FILIP1: variants seen among roughly 807,000 people sequenced by gnomAD.
FILIP1 encodes filamin-A-interacting protein 1.
A neutral mutation model predicts 102.1 loss-of-function variants in FILIP1; 61 were observed. The observed-to-expected ratio is 0.60, with a 90% CI of 0.49 to 0.74. The LOEUF (loss-of-function observed/expected upper bound fraction) is 0.74, where lower values mean the gene tolerates loss of function less well. Among genes scored for constraint, FILIP1 ranks in the 30% least tolerant of loss-of-function variants. The probability of loss-of-function intolerance (pLI) is 0.00; values close to 1 mark genes in which losing one functional copy is unlikely to be tolerated. For missense variants in FILIP1, 1,314 were observed against 1,441.2 expected (o/e 0.91, Z 1.43); for synonymous variants, 491 against 526.9 (o/e 0.93, Z 0.93).
At chr6:75,375,636 T>A (rs1775727258) in intron 2 of FILIP1, among the ~76,000 whole-genome samples, 1 of 152,206 alleles carries the variant, frequency 6.6e-6, no homozygotes, top group Non-Finnish European at 1.5e-5. Context: ...CTTATTTTTA[T>A]CCTCAGACTG....
At chr6:75,439,365 CAA>C (rs11321756) in intron 1 of FILIP1, among the ~76,000 whole-genome samples, 66 of 146,594 alleles carry the variant, frequency 4.5e-4, no homozygotes, top group African/African-American at 4.7e-4. Flanking sequence ...AGACTCCGTC[CAA>C]AAAAAAAAAA....
intron 2 of FILIP1, among the ~76,000 whole-genome samples, chr6:75,400,246 GA>G (rs1174885798): frequency 2.6e-5 from 4 of 151,942 alleles, no homozygotes; most frequent in Non-Finnish European, 4.4e-5. Context: ...CAATACTTTA[GA>G]AAAAAATTGA....
At chr6:75,368,768 A>G (rs950201640) in intron 2 of FILIP1, among the ~76,000 whole-genome samples, 1 of 152,142 alleles carries the variant, frequency 6.6e-6, no homozygotes, top group African/African-American at 2.4e-5. Flanking sequence ...GGAGTAATAA[A>G]CTCATGAAAA....
At chr6:75,356,131 C>A (rs540614061) in intron 3 of FILIP1, among the ~76,000 whole-genome samples, 176 of 152,336 alleles carry the variant, frequency 1.2e-3, no homozygotes, top group African/African-American at 4.1e-3. Flanking sequence ...AGTTCTCAAT[C>A]TCACAACCAA....
intron 1 of FILIP1, among the ~76,000 whole-genome samples, chr6:75,435,082 G>T (rs1323351066): frequency 1.3e-5 from 2 of 152,124 alleles, no homozygotes; most frequent in African/African-American, 4.8e-5. Context: ...GCTAGATTCA[G>T]TTTGCCAGTA....
chr6:75,340,452 A>G (rs1283511311), intron 4 of FILIP1, among the ~76,000 whole-genome samples: 2 of 152,210 alleles, frequency 1.3e-5, no homozygotes, highest in East Asian at 3.8e-4. Context: ...GATAATGGTC[A>G]TTACTAAGGG....
At chr6:75,458,583 CA>C (rs1778919826) in intron 1 of FILIP1, 1 of 152,104 alleles carries the variant, frequency 6.6e-6, no homozygotes, top group Non-Finnish European at 1.5e-5. Flanking sequence ...CAGACTTCTC[CA>C]ATAGAAAACA....
Position 75,312,504 on chromosome 6 carries a change from G to A in FILIP1, c.3328C>T (p.Arg1110Cys), listed in dbSNP as rs748714654. 6.2e-6 allele frequency: 10 copies of A among 1,614,074 alleles called. No homozygotes were observed. Among genetic ancestry groups the A allele is most frequent in the Admixed American group, 3.3e-5 (2 of 60,008 alleles). Residue 1110 changes from arginine to cysteine, a missense_variant, in exon 5 of 6, where the codon CGC (arginine) becomes TGC (cysteine). This residue lies in a region of FILIP1 where 816 missense variants were observed against 913.1 expected (regional missense o/e 0.89). Transcript: ENST00000237172. ...EKEVSTGTVL[R>C]SPRNHLSSRP... is the part of the protein sequence containing the mutation. Reference sequence around the variant, plus strand: ...GAGGAGAGGTGATTCCTGGGAGAGCGAAGGACAGTGCCGGTGGAAACCTCC... The same window carrying A: ...GAGGAGAGGTGATTCCTGGGAGAGCAAAGGACAGTGCCGGTGGAAACCTCC...
chr6:75,477,706 T>G (rs1405556254), intron 1 of FILIP1, among the ~76,000 whole-genome samples: 1 of 152,128 alleles, frequency 6.6e-6, no homozygotes, highest in Non-Finnish European at 1.5e-5. Flanking sequence ...AGGGTCCTTG[T>G]GTGATGCAGG....
chr6:75,429,375 C>T (rs1405078267), intron 1 of FILIP1, among the ~76,000 whole-genome samples: 3 of 152,142 alleles, frequency 2.0e-5, no homozygotes, highest in African/African-American at 4.8e-5. Flanking sequence ...AATTGTCCAA[C>T]AAGAAGAAGC....
At chr6:75,401,711 T>C (rs1776666053) in intron 2 of FILIP1, among the ~76,000 whole-genome samples, 1 of 152,120 alleles carries the variant, frequency 6.6e-6, no homozygotes, top group African/African-American at 2.4e-5. Flanking sequence ...CTAGACCTTA[T>C]CTCTCCCAAG....
intron 4 of FILIP1, among the ~76,000 whole-genome samples, chr6:75,349,498 AC>A (rs1259447434): frequency 6.6e-6 from 1 of 152,058 alleles, no homozygotes; most frequent in Non-Finnish European, 1.5e-5. Flanking sequence ...TTCTTCCCTT[AC>A]TCATGTTCAC....
chr6:75,362,976 C>CA, intron 2 of FILIP1, 59 bp from the exon 3 acceptor site: 1 of 1,527,608 alleles, frequency 6.5e-7, no homozygotes, highest in Non-Finnish European at 9.0e-7. Context: ...ATACTGGGCT[C>CA]AAAAAATCAA....
At chr6:75,398,243 A>C (rs1342504493) in intron 2 of FILIP1, 1 of 152,330 alleles carries the variant, frequency 6.6e-6, no homozygotes, top group East Asian at 1.9e-4. Context: ...CTCTGTTGAC[A>C]GCCATATGAT....
At chr6:75,398,355 G>T (rs1370188965) in intron 2 of FILIP1, among the ~76,000 whole-genome samples, 3 of 152,074 alleles carry the variant, frequency 2.0e-5, no homozygotes, top group African/African-American at 7.2e-5. Context: ...AGTTAGTTTT[G>T]CAAAGAAACA....
chr6:75,436,962 G>C lies in FILIP1; in HGVS notation c.-6-21984C>G, dbSNP rs149125977. ...AGTTGAGAAGAGATGAGCACAATCA[G>C]TTCCTGCAAGCCAGTGCCAGCTGGC... On this transcript the variant is annotated intron_variant, in intron 1 of 5. Coordinates refer to ENST00000237172, the MANE Select transcript of FILIP1 (RefSeq NM_015687.5). Among the ~76,000 whole-genome samples the C allele has an allele frequency of 6.4e-3, 977 of 152,302 alleles. 4 individuals carry two copies. Among genetic ancestry groups the C allele is most frequent in the Non-Finnish European group, 0.01 (710 of 68,028 alleles).
At chr6:75,391,481 G>C (rs1259227939) in intron 2 of FILIP1, among the ~76,000 whole-genome samples, 1 of 152,004 alleles carries the variant, frequency 6.6e-6, no homozygotes, top group Non-Finnish European at 1.5e-5. Context: ...GACTCACCAA[G>C]AAAATTGAAA....
intron 2 of FILIP1, among the ~76,000 whole-genome samples, chr6:75,371,502 G>C (rs1775517287): frequency 6.6e-6 from 1 of 152,102 alleles, no homozygotes; most frequent in Admixed American, 6.6e-5. Flanking sequence ...AATCTCAAGG[G>C]ACCATGAATA....
intron 4 of FILIP1, among the ~76,000 whole-genome samples, chr6:75,317,677 C>G (rs1401882817): frequency 6.6e-6 from 1 of 152,200 alleles, no homozygotes; most frequent in Non-Finnish European, 1.5e-5. Context: ...TTTTCACGTT[C>G]TCCTAGCTGT....
Sources: allele counts gnomAD v4.1 joint callset (sites outside exome capture counted in the v4.1 genomes callset), GRCh38; gene constraint gnomAD v4.1.1; regional missense constraint gnomAD v4.1.1; transcripts MANE v1.5; gene names NCBI Gene and HGNC (gene_info 2026-07-23, HGNC 2026-07-21).